The following NOVA1 variants were observed in gnomAD, a reference collection of about 807,000 sequenced individuals.
NOVA1 encodes the protein NOVA alternative splicing regulator 1, also known as RNA-binding protein Nova-1.
In NOVA1, 7 loss-of-function variants were observed where a neutral mutation model predicts 38.0. That is an observed-to-expected ratio of 0.18 (90% CI 0.10 to 0.35). The LOEUF is 0.35. Ranked by LOEUF, NOVA1 falls within the 10% of genes least tolerant of loss-of-function variation. The pLI, the probability that NOVA1 is intolerant of heterozygous loss-of-function variation, is 1.00. For missense variants in NOVA1, 460 were observed against 616.0 expected (o/e 0.75, Z 2.68); for synonymous variants, 270 against 232.5 (o/e 1.16, Z -1.47).
chr14:26,584,725 G>A (rs1377908789), intron 2 of NOVA1, among the ~76,000 whole-genome samples: 1 of 151,216 alleles, frequency 6.6e-6, no homozygotes, highest in Non-Finnish European at 1.5e-5. Context: ...TGTTCACCAA[G>A]CAAATTAAAA....
chr14:26,572,725 AGTGTGTGTGTGTGTGT>A (rs56021646), intron 2 of NOVA1, among the ~76,000 whole-genome samples: 3 of 138,466 alleles, frequency 2.2e-5, no homozygotes, highest in African/African-American at 5.2e-5. Flanking sequence ...AAGGAACCGC[AGTGTGTGTGTGTGTGT>A]GTGTGTGTGT....
chr14:26,452,099 A>G (rs892762246), intron 4 of NOVA1, among the ~76,000 whole-genome samples: 2 of 152,242 alleles, frequency 1.3e-5, no homozygotes, highest in African/African-American at 4.8e-5. Context: ...AAATTTAATA[A>G]AAGTAAATAC....
chr14:26,472,210 G>T, intron 4 of NOVA1, 110 bp downstream of exon 4: 1 of 710,842 alleles, frequency 1.4e-6, no homozygotes, highest in Non-Finnish European at 2.6e-6. Context: ...TGACTATGGT[G>T]CATATATGTG....
intron 2 of NOVA1, among the ~76,000 whole-genome samples, chr14:26,524,802 T>C (rs1003443361): frequency 6.6e-6 from 1 of 152,136 alleles, no homozygotes; most frequent in East Asian, 1.9e-4. Context: ...AATCACTTCA[T>C]AAAAGGTAAA....
At chr14:26,489,152 T>G (rs1886141324) in intron 2 of NOVA1, among the ~76,000 whole-genome samples, 1 of 152,108 alleles carries the variant, frequency 6.6e-6, no homozygotes, top group African/African-American at 2.4e-5. Flanking sequence ...GTAACAAAGT[T>G]GTCAACTTTG....
intron 2 of NOVA1, among the ~76,000 whole-genome samples, chr14:26,488,988 G>C (rs931843990): frequency 6.6e-6 from 1 of 152,144 alleles, no homozygotes; most frequent in Non-Finnish European, 1.5e-5. Context: ...AAGAAACTCA[G>C]AAGTGTGACC....
At chr14:26,578,411 A>C (rs1426203867) in intron 2 of NOVA1, among the ~76,000 whole-genome samples, 1 of 152,134 alleles carries the variant, frequency 6.6e-6, no homozygotes, top group Admixed American at 6.6e-5. Context: ...AATAATTTCC[A>C]GTAGGGCAAG....
intron 2 of NOVA1, among the ~76,000 whole-genome samples, chr14:26,574,847 A>T (rs1892735109): frequency 6.6e-6 from 1 of 151,956 alleles, no homozygotes; most frequent in Non-Finnish European, 1.5e-5. Context: ...TTTTTTGTAG[A>T]GACAGAGTCT....
intron 2 of NOVA1, among the ~76,000 whole-genome samples, chr14:26,490,982 TG>T: frequency 6.6e-6 from 1 of 151,380 alleles, no homozygotes; most frequent in African/African-American, 2.4e-5. Context: ...CCCAAGTAGC[TG>T]GGACTACAGG....
intron 2 of NOVA1, among the ~76,000 whole-genome samples, chr14:26,536,180 A>G (rs1388667548): frequency 1.3e-5 from 2 of 151,594 alleles, no homozygotes; most frequent in South Asian, 2.1e-4. Context: ...CTATGGACAG[A>G]TAAAGTAGAG....
intron 2 of NOVA1, among the ~76,000 whole-genome samples, chr14:26,490,117 CTGGTGT>C (rs1886224901): frequency 2.6e-5 from 4 of 152,122 alleles, no homozygotes; most frequent in Non-Finnish European, 5.9e-5. Flanking sequence ...CAATATCTGT[CTGGTGT>C]CTGGCTTATT....
intron 4 of NOVA1, among the ~76,000 whole-genome samples, chr14:26,459,006 A>G (rs1011439374): frequency 1.3e-5 from 2 of 152,082 alleles, no homozygotes; most frequent in African/African-American, 4.8e-5. Flanking sequence ...TTATTTTTAT[A>G]CAATTAGTGT....
At chr14:26,578,105 A>G (rs1408174789) in intron 2 of NOVA1, among the ~76,000 whole-genome samples, 2 of 152,162 alleles carry the variant, frequency 1.3e-5, no homozygotes, top group Admixed American at 1.3e-4. Flanking sequence ...CACTGTGTCA[A>G]ATGCTGCTGA....
intron 4 of NOVA1, among the ~76,000 whole-genome samples, chr14:26,449,414 A>G (rs1461082074): frequency 6.6e-6 from 1 of 152,188 alleles, no homozygotes; most frequent in Non-Finnish European, 1.5e-5. Flanking sequence ...GTTAATAAAG[A>G]TAACAGTAGG....
intron 2 of NOVA1, chr14:26,519,341 T>G (rs898910565): frequency 1.3e-5 from 2 of 152,130 alleles, no homozygotes; most frequent in Non-Finnish European, 2.9e-5. Context: ...AAGGTGAGTA[T>G]GTACAGAGCA....
chr14:26,481,988 T>TAAAAAAAAAAAAAAAAAAAAAAAA (rs372806170), intron 2 of NOVA1, among the ~76,000 whole-genome samples: 13 of 105,982 alleles, frequency 1.2e-4, no homozygotes, highest in African/African-American at 2.5e-4. Context: ...TAGATAGAGA[T>TAAAAAAAAAAAAAAAAAAAAAAAA]AAAAAAAAAA....
At chr14:26,508,506 G>A (rs1010130854) in intron 2 of NOVA1, among the ~76,000 whole-genome samples, 5 of 151,438 alleles carry the variant, frequency 3.3e-5, no homozygotes, top group South Asian at 2.1e-4. Flanking sequence ...TATATCCTAC[G>A]ATTTGATAAA....
chr14:26,454,363 G>A lies in NOVA1; in HGVS notation c.520-5400C>T, dbSNP rs373163501. 2.5e-4 allele frequency among the ~76,000 whole-genome samples: 38 copies of A among 152,200 alleles called. No individual in the cohort carries two copies. The Middle Eastern group carries it at 0.01, about 41-fold the overall frequency. ...CATGACGCAGGATGGCCAAACAAGA[G>A]CATGAGAAGTTGGGAAACTTGTCGA... On this transcript the variant is annotated intron_variant, in intron 4 of 4. Coordinates refer to ENST00000539517, the MANE Select transcript of NOVA1 (RefSeq NM_002515.3).
At chr14:26,478,188 TACTGGC>T (rs1242208346) in intron 3 of NOVA1, among the ~76,000 whole-genome samples, 1 of 151,936 alleles carries the variant, frequency 6.6e-6, no homozygotes, top group African/African-American at 2.4e-5. Flanking sequence ...CATAAATCTA[TACTGGC>T]ACTGGATATA....
Sources: allele counts gnomAD v4.1 joint callset (sites outside exome capture counted in the v4.1 genomes callset), GRCh38; gene constraint gnomAD v4.1.1; transcripts MANE v1.5; gene names NCBI Gene and HGNC (gene_info 2026-07-23, HGNC 2026-07-21).